Variants in EYS observed in about 807,000 individuals in gnomAD.
EYS encodes the protein protein eyes shut homolog.
In EYS, 250 loss-of-function variants were observed where a neutral mutation model predicts 282.1. The ratio of observed to expected loss-of-function variants is 0.89; its 90% CI spans 0.80 to 0.98. The LOEUF is 0.98. EYS is among the 50% of genes least tolerant of loss of function. EYS has a pLI of 0.00. For missense variants in EYS, 4,016 were observed against 3,709.0 expected, an observed-to-expected ratio of 1.08 and a Z score of -2.15; for synonymous variants, 1,355 against 1,282.9, an observed-to-expected ratio of 1.06 and a Z score of -1.20.
intron 19 of EYS, among the ~76,000 whole-genome samples, chr6:64,827,187 T>G (rs1021822574): frequency 6.6e-6 from 1 of 151,892 alleles, no homozygotes; most frequent in African/African-American, 2.4e-5. Context: ...TTCTCAATAT[T>G]TTCTCATATC....
intron 31 of EYS, among the ~76,000 whole-genome samples, chr6:64,130,115 C>G (rs1292504796): frequency 6.6e-6 from 1 of 152,218 alleles, no homozygotes; most frequent in African/African-American, 2.4e-5. Context: ...TTTGACCCAA[C>G]TATCCCATTA....
chr6:64,284,598 C>T (rs1474425055), intron 30 of EYS, among the ~76,000 whole-genome samples: 1 of 152,162 alleles, frequency 6.6e-6, no homozygotes, highest in East Asian at 1.9e-4. Flanking sequence ...TCCAACCCCA[C>T]ATTTCCCTTC....
intron 35 of EYS, among the ~76,000 whole-genome samples, chr6:63,945,544 A>G (rs1232795891): frequency 1.3e-5 from 2 of 152,158 alleles, no homozygotes; most frequent in Non-Finnish European, 2.9e-5. Flanking sequence ...ACCTTAAACG[A>G]TCCTCCACAC....
At chr6:64,024,427 C>T (rs1769373413) in intron 33 of EYS, among the ~76,000 whole-genome samples, 2 of 152,186 alleles carry the variant, frequency 1.3e-5, no homozygotes, top group Admixed American at 1.3e-4. Context: ...GTAAACGCAC[C>T]AATCAGCACC....
At chr6:63,756,420 G>T (rs1410547417) in intron 41 of EYS, among the ~76,000 whole-genome samples, 2 of 152,154 alleles carry the variant, frequency 1.3e-5, no homozygotes, top group Non-Finnish European at 2.9e-5. Flanking sequence ...TTATGTGATG[G>T]TTTACGTTTA....
chr6:65,628,543 C>G (rs1284961375), intron 2 of EYS, among the ~76,000 whole-genome samples: 1 of 152,144 alleles, frequency 6.6e-6, no homozygotes, highest in Non-Finnish European at 1.5e-5. Flanking sequence ...TTTGGGTCCA[C>G]GCTGCTTTTA....
chr6:64,958,595 C>G (rs886614768), intron 14 of EYS, among the ~76,000 whole-genome samples: 1 of 150,472 alleles, frequency 6.6e-6, no homozygotes, highest in Non-Finnish European at 1.5e-5. Flanking sequence ...ATTAGCCGGG[C>G]GCAGTGGCGG....
intron 22 of EYS, among the ~76,000 whole-genome samples, chr6:64,669,162 TG>T (rs1769347787): frequency 6.6e-6 from 1 of 152,190 alleles, no homozygotes; most frequent in Admixed American, 6.5e-5. Flanking sequence ...CATAAGTAAT[TG>T]ATCCTTACCA....
intron 11 of EYS, chr6:65,330,374 G>A (rs1769751151): frequency 1.0e-6 from 1 of 984,502 alleles, no homozygotes; most frequent in Non-Finnish European, 1.2e-6. Flanking sequence ...ACAGGTGGGA[G>A]TCATGAACAC....
At chr6:65,420,218 T>C (rs1030408323) in intron 5 of EYS, among the ~76,000 whole-genome samples, 7 of 152,004 alleles carry the variant, frequency 4.6e-5, no homozygotes, top group Non-Finnish European at 7.4e-5. Context: ...TTTTCAGAAT[T>C]AAAGTTGGTC....
chr6:64,780,824 C>A (rs1773836524), intron 22 of EYS, among the ~76,000 whole-genome samples: 1 of 152,100 alleles, frequency 6.6e-6, no homozygotes, highest in Non-Finnish European at 1.5e-5. Context: ...TAGAGGAATT[C>A]ACCATTTTTT....
intron 13 of EYS, among the ~76,000 whole-genome samples, chr6:65,018,400 C>T (rs1772127252): frequency 6.6e-6 from 1 of 152,188 alleles, no homozygotes; most frequent in Admixed American, 6.5e-5. Flanking sequence ...CTACCTTTAT[C>T]TTCACATGAA....
chr6:64,481,024 C>A (rs1471552570), intron 26 of EYS, among the ~76,000 whole-genome samples: 1 of 151,252 alleles, frequency 6.6e-6, no homozygotes, highest in South Asian at 2.1e-4. Flanking sequence ...ACTCTTTTCA[C>A]AATTATAGTT....
At chr6:64,398,142 G>A (rs1230769672) in intron 28 of EYS, among the ~76,000 whole-genome samples, 1 of 151,778 alleles carries the variant, frequency 6.6e-6, no homozygotes, top group Non-Finnish European at 1.5e-5. Context: ...GCCAGGAAAG[G>A]CCAAGTAACT....
chr6:64,524,117 T>C (rs1374856806), intron 26 of EYS, among the ~76,000 whole-genome samples: 3 of 151,838 alleles, frequency 2.0e-5, no homozygotes, highest in Middle Eastern at 6.8e-3. Context: ...CCATAACCAA[T>C]GCTAATAACT....
chr6:64,620,379 CT>C (rs11444176), intron 23 of EYS, among the ~76,000 whole-genome samples: 11 of 151,932 alleles, frequency 7.2e-5, no homozygotes, highest in Admixed American at 4.6e-4. Flanking sequence ...AGCTCCATGA[CT>C]TTTTTTTACC....
chr6:65,447,290 CTCTT>C (rs1477170770), intron 5 of EYS, among the ~76,000 whole-genome samples: 5 of 98,648 alleles, frequency 5.1e-5, no homozygotes, highest in Non-Finnish European at 7.7e-5. Flanking sequence ...GAACCTGACT[CTCTT>C]TCTTTCTCTC....
chr6:64,140,613 G>A (rs193229464), intron 31 of EYS, among the ~76,000 whole-genome samples: 1 of 152,160 alleles, frequency 6.6e-6, no homozygotes, highest in East Asian at 1.9e-4. Flanking sequence ...TATGCCCCCA[G>A]CTTCATTCCT....
chr6:64,707,598 G>T (rs192491624), intron 22 of EYS, among the ~76,000 whole-genome samples: 1 of 151,464 alleles, frequency 6.6e-6, no homozygotes, highest in Non-Finnish European at 1.5e-5. Flanking sequence ...GAACCCGGGA[G>T]GCCTTGCAGT....
Sources: gnomAD v4.1 joint callset for allele counts (sites outside exome capture counted in the v4.1 genomes callset) on GRCh38, gnomAD v4.1.1 for gene constraint, MANE v1.5 for transcripts, NCBI Gene and HGNC (gene_info 2026-07-23, HGNC 2026-07-21) for gene names.